The following MSRA variants were observed in gnomAD, a reference collection of about 807,000 sequenced individuals.
The protein encoded by MSRA is methionine sulfoxide reductase A, also known as mitochondrial peptide methionine sulfoxide reductase.
In MSRA, 54 loss-of-function variants were observed where a neutral mutation model predicts 31.3. The observed-to-expected ratio is 1.73, with a 90% CI of 1.39 to 2.17. The LOEUF (loss-of-function observed/expected upper bound fraction) is 2.17, where lower values mean the gene tolerates loss of function less well. Ranked by LOEUF, MSRA falls within the 30% of genes most tolerant of loss-of-function variation. MSRA has a pLI of 0.00. For missense variants in MSRA, 507 were observed against 300.9 expected, an observed-to-expected ratio of 1.69 and a Z score of -5.07; for synonymous variants, 169 against 116.5, an observed-to-expected ratio of 1.45 and a Z score of -2.90.
chr8:10,359,476 T>G (rs1804709707), intron 5 of MSRA, among the ~76,000 whole-genome samples: 1 of 152,228 alleles, frequency 6.6e-6, no homozygotes, highest in African/African-American at 2.4e-5. Flanking sequence ...ATATGCTGCA[T>G]ATTTTATAGT....
At chr8:10,266,193 C>A (rs1016904493) in intron 3 of MSRA, among the ~76,000 whole-genome samples, 2 of 152,140 alleles carry the variant, frequency 1.3e-5, no homozygotes. Context: ...GTAGTTGTAC[C>A]ATTTTATATT....
intron 3 of MSRA, among the ~76,000 whole-genome samples, chr8:10,287,886 A>G (rs1415579980): frequency 6.6e-6 from 1 of 152,246 alleles, no homozygotes; most frequent in African/African-American, 2.4e-5. Context: ...ACCCTTCTCC[A>G]GCAGTAATTG....
intron 4 of MSRA, among the ~76,000 whole-genome samples, chr8:10,309,926 G>A (rs1801345528): frequency 6.6e-6 from 1 of 152,228 alleles, no homozygotes; most frequent in Non-Finnish European, 1.5e-5. Flanking sequence ...GTGCACTGTG[G>A]AGAAGCAGGT....
rs577872896 is a variant in MSRA at position 10,190,496 on chromosome 8, C to G, written c.143-17337C>G. Among the ~76,000 whole-genome samples the G allele has an allele frequency of 3.9e-5, 6 of 152,226 alleles. No homozygotes were observed. The East Asian group carries it at 7.7e-4, about 20-fold the overall frequency. On this transcript the variant is annotated intron_variant, in intron 1 of 5. Coordinates refer to ENST00000317173, the MANE Select transcript of MSRA (RefSeq NM_012331.5). ...TGTTGCCTGTCTGGTGTCTCCAGAT[C>G]AGCTCTGGCCTGGCCAAGCCCGCAA...
rs1461512772 is a variant in MSRA at position 10,149,538 on chromosome 8, G to C, written c.143-58295G>C. On this transcript the variant is annotated intron_variant, in intron 1 of 5. Coordinates refer to ENST00000317173, the MANE Select transcript of MSRA (RefSeq NM_012331.5). ...TTATTACAACTTACATCGCCACCTCGTGATACTTGCCAATTTCCCCTTTTT... is the reference window on the plus strand; with the variant it reads ...TTATTACAACTTACATCGCCACCTCCTGATACTTGCCAATTTCCCCTTTTT... 2.0e-5 allele frequency among the ~76,000 whole-genome samples: 3 copies of C among 152,236 alleles called. No homozygotes were observed. The South Asian group carries it at 6.2e-4, about 32-fold the overall frequency.
chr8:10,321,582 G>A (rs1802045144), intron 5 of MSRA, among the ~76,000 whole-genome samples: 1 of 152,142 alleles, frequency 6.6e-6, no homozygotes, highest in Admixed American at 6.5e-5. Context: ...CCTTGAATAT[G>A]GGCTGCATTT....
At chr8:10,343,351 C>T (rs1803563098) in intron 5 of MSRA, among the ~76,000 whole-genome samples, 1 of 152,188 alleles carries the variant, frequency 6.6e-6, no homozygotes, top group South Asian at 2.1e-4. Flanking sequence ...TGCTGTACGT[C>T]ATGCAGGAGT....
At chr8:10,073,751 C>T (rs1395068388) in intron 1 of MSRA, among the ~76,000 whole-genome samples, 1 of 152,052 alleles carries the variant, frequency 6.6e-6, no homozygotes, top group Non-Finnish European at 1.5e-5. Flanking sequence ...TACTCTTTGT[C>T]TGTATTTCTA....
At chr8:10,213,499 C>T (rs567098163) in intron 2 of MSRA, among the ~76,000 whole-genome samples, 10 of 142,538 alleles carry the variant, frequency 7.0e-5, no homozygotes, top group Middle Eastern at 4.4e-3. Flanking sequence ...TGCAGTGACG[C>T]GACCTCGGCT....
At chr8:10,298,709 C>CT (rs1235019405) in intron 3 of MSRA, among the ~76,000 whole-genome samples, 1 of 152,126 alleles carries the variant, frequency 6.6e-6, no homozygotes, top group African/African-American at 2.4e-5. Context: ...AAAGTAACAG[C>CT]TTTGACCATG....
chr8:10,131,984 G>T (rs958821890), intron 1 of MSRA, among the ~76,000 whole-genome samples: 2 of 152,148 alleles, frequency 1.3e-5, no homozygotes, highest in Admixed American at 1.3e-4. Context: ...CCTTTTATAT[G>T]ATTTTTTAAA....
chr8:10,166,295 T>C (rs767477186), intron 1 of MSRA, among the ~76,000 whole-genome samples: 2 of 152,168 alleles, frequency 1.3e-5, no homozygotes, highest in Non-Finnish European at 2.9e-5. Flanking sequence ...AAGGTTGAAA[T>C]GTACAGGAGT....
chr8:10,361,243 G>A (rs1372016936), intron 5 of MSRA, among the ~76,000 whole-genome samples: 1 of 152,112 alleles, frequency 6.6e-6, no homozygotes, highest in African/African-American at 2.4e-5. Context: ...GCAGTGTGTT[G>A]GGGAAGATTT....
At chr8:10,302,418 T>C (rs965605924) in intron 4 of MSRA, among the ~76,000 whole-genome samples, 2 of 152,274 alleles carry the variant, frequency 1.3e-5, no homozygotes, top group Non-Finnish European at 1.5e-5. Flanking sequence ...ACAAACCCTC[T>C]TCATTTGGCA....
intron 5 of MSRA, among the ~76,000 whole-genome samples, chr8:10,327,065 C>A (rs939062451): frequency 6.6e-6 from 1 of 152,204 alleles, no homozygotes. Context: ...ACAATGCTTT[C>A]TCTGGGTATT....
intron 1 of MSRA, among the ~76,000 whole-genome samples, chr8:10,090,551 A>G (rs1258679836): frequency 6.6e-6 from 1 of 152,244 alleles, no homozygotes; most frequent in Non-Finnish European, 1.5e-5. Context: ...TTCACATGCC[A>G]TAAAACTTGT....
chr8:10,320,911 C>T (rs1030885542), intron 5 of MSRA, among the ~76,000 whole-genome samples: 9 of 152,190 alleles, frequency 5.9e-5, no homozygotes, highest in Non-Finnish European at 1.2e-4. Context: ...TTAGTGCTAA[C>T]CCTCATGACC....
intron 1 of MSRA, among the ~76,000 whole-genome samples, chr8:10,056,839 G>A (rs539612020): frequency 1.3e-5 from 2 of 152,082 alleles, no homozygotes; most frequent in South Asian, 4.1e-4. Context: ...CTCCATCCAT[G>A]TCTGTTCTTA....
chr8:10,428,100 C>G, intron 5 of MSRA, 48 bp from the exon 6 acceptor site: 1 of 1,578,324 alleles, frequency 6.3e-7, no homozygotes, highest in Non-Finnish European at 8.6e-7. Context: ...CTCGCAGGTG[C>G]TGTCTCTCTA....
Sources: gnomAD v4.1 joint callset for allele counts (sites outside exome capture counted in the v4.1 genomes callset) on GRCh38, gnomAD v4.1.1 for gene constraint, MANE v1.5 for transcripts, NCBI Gene and HGNC (gene_info 2026-07-23, HGNC 2026-07-21) for gene names.